Variants in NLGN1 observed in about 807,000 individuals in gnomAD.
The protein encoded by NLGN1 is neuroligin-1.
NLGN1 carries 12 observed loss-of-function variants against 65.5 expected under a neutral mutation model. That is an observed-to-expected ratio of 0.18 (90% CI 0.12 to 0.30). NLGN1 has a LOEUF of 0.30. Ranked by LOEUF, NLGN1 falls within the 10% of genes least tolerant of loss-of-function variation. The pLI, the probability that NLGN1 is intolerant of heterozygous loss-of-function variation, is 1.00. For synonymous variants in NLGN1, 350 were observed against 359.5 expected, an observed-to-expected ratio of 0.97 and a Z score of 0.30; for missense variants, 750 against 1,007.1, an observed-to-expected ratio of 0.74 and a Z score of 3.46.
intron 4 of NLGN1, among the ~76,000 whole-genome samples, chr3:174,184,227 T>C (rs1234746260): frequency 6.6e-6 from 1 of 152,118 alleles, no homozygotes; most frequent in Non-Finnish European, 1.5e-5. Context: ...TCAACATTAT[T>C]GTTACTCAGA....
chr3:173,579,900 GTTTTA>G (rs1746118639), intron 2 of NLGN1, among the ~76,000 whole-genome samples: 2 of 151,924 alleles, frequency 1.3e-5, no homozygotes, highest in South Asian at 2.1e-4. Context: ...TTACAATTCT[GTTTTA>G]TTTTATTTCT....
At chr3:173,637,077 A>C (rs1471164174) in intron 3 of NLGN1, among the ~76,000 whole-genome samples, 2 of 152,156 alleles carry the variant, frequency 1.3e-5, no homozygotes, top group African/African-American at 2.4e-5. Flanking sequence ...ATTCTTAAAA[A>C]AATAGTTACT....
intron 4 of NLGN1, among the ~76,000 whole-genome samples, chr3:174,235,449 T>C (rs1210457296): frequency 6.6e-6 from 1 of 152,176 alleles, no homozygotes; most frequent in East Asian, 1.9e-4. Flanking sequence ...CCAGTTCTAC[T>C]CTATATCTGT....
At chr3:173,813,279 A>G (rs1315489013) in intron 4 of NLGN1, among the ~76,000 whole-genome samples, 1 of 152,202 alleles carries the variant, frequency 6.6e-6, no homozygotes, top group Non-Finnish European at 1.5e-5. Flanking sequence ...TCTTTCAAAG[A>G]ACCCCCAAAA....
chr3:174,127,139 A>T (rs535387369), intron 4 of NLGN1, among the ~76,000 whole-genome samples: 1 of 152,310 alleles, frequency 6.6e-6, no homozygotes, highest in South Asian at 2.1e-4. Flanking sequence ...TATTTTTACC[A>T]TCATGACTCA....
intron 4 of NLGN1, among the ~76,000 whole-genome samples, chr3:173,927,724 A>AACAC (rs145960368): frequency 3.0e-4 from 45 of 151,294 alleles, no homozygotes; most frequent in African/African-American, 9.7e-4. Context: ...CGCTCCAGAA[A>AACAC]ACACACACAC....
At chr3:173,605,800 TG>T (rs1388396058) in intron 3 of NLGN1, among the ~76,000 whole-genome samples, 1 of 152,076 alleles carries the variant, frequency 6.6e-6, no homozygotes, top group Non-Finnish European at 1.5e-5. Context: ...GGTTGTGCCT[TG>T]TGTTCTGGTG....
chr3:174,207,161 G>C (rs1735569383), intron 4 of NLGN1, among the ~76,000 whole-genome samples: 1 of 149,952 alleles, frequency 6.7e-6, no homozygotes, highest in Admixed American at 6.7e-5. Context: ...CTCATGTCTG[G>C]AGGTGTTTTA....
At chr3:173,977,352 A>G (rs1399289778) in intron 4 of NLGN1, among the ~76,000 whole-genome samples, 1 of 151,952 alleles carries the variant, frequency 6.6e-6, no homozygotes, top group Admixed American at 6.6e-5. Context: ...GCACGTGCAT[A>G]AACACTGTAA....
chr3:173,749,706 T>A (rs887288047), intron 3 of NLGN1, among the ~76,000 whole-genome samples: 5 of 152,102 alleles, frequency 3.3e-5, no homozygotes, highest in Admixed American at 6.6e-5. Context: ...CACATACACA[T>A]TGTAAAATAT....
chr3:173,546,014 A>C (rs1433294865), intron 2 of NLGN1, among the ~76,000 whole-genome samples: 1 of 152,156 alleles, frequency 6.6e-6, no homozygotes, highest in Non-Finnish European at 1.5e-5. Context: ...TGATAGGTGC[A>C]GCAAACCACC....
At chr3:173,947,499 G>T (rs952286958) in intron 4 of NLGN1, among the ~76,000 whole-genome samples, 42 of 152,096 alleles carry the variant, frequency 2.8e-4, no homozygotes, top group African/African-American at 8.9e-4. Context: ...TGCTTGTCAG[G>T]TAGTGAACTC....
intron 4 of NLGN1, among the ~76,000 whole-genome samples, chr3:174,232,354 A>G: frequency 6.6e-6 from 1 of 152,166 alleles, no homozygotes; most frequent in East Asian, 1.9e-4. Context: ...GAATGTCATC[A>G]GTTAAGGCAG....
chr3:173,733,656 CACTTTT>C (rs1319469827), intron 3 of NLGN1, among the ~76,000 whole-genome samples: 21 of 152,008 alleles, frequency 1.4e-4, no homozygotes, highest in Non-Finnish European at 2.8e-4. Context: ...TTTATGACAC[CACTTTT>C]CAAGTTCACT....
intron 3 of NLGN1, among the ~76,000 whole-genome samples, chr3:173,633,673 C>G (rs1032323528): frequency 2.0e-5 from 3 of 152,036 alleles, no homozygotes; most frequent in Admixed American, 6.6e-5. Flanking sequence ...GTAGGCCAGC[C>G]CTTTGGGCTT....
chr3:173,720,371 G>A (rs1239465373), intron 3 of NLGN1, among the ~76,000 whole-genome samples: 1 of 152,104 alleles, frequency 6.6e-6, no homozygotes, highest in African/African-American at 2.4e-5. Flanking sequence ...GTGACCGGAA[G>A]GTCAGTTATT....
intron 4 of NLGN1, among the ~76,000 whole-genome samples, chr3:174,037,903 T>C (rs1026655229): frequency 1.3e-5 from 2 of 152,144 alleles, no homozygotes; most frequent in African/African-American, 2.4e-5. Context: ...CAGGATGTTA[T>C]GAGGACTATG....
intron 3 of NLGN1, among the ~76,000 whole-genome samples, chr3:173,637,475 T>A (rs1028584486): frequency 1.3e-5 from 2 of 152,092 alleles, no homozygotes; most frequent in African/African-American, 4.8e-5. Context: ...CTTTTTATAT[T>A]CTCTTGTTCT....
At chr3:173,743,204 G>A (rs749731335) in intron 3 of NLGN1, among the ~76,000 whole-genome samples, 8 of 152,082 alleles carry the variant, frequency 5.3e-5, no homozygotes, top group South Asian at 2.1e-4. Flanking sequence ...TAAGTTCTAC[G>A]TTCTAAATTT....
Sources: allele counts gnomAD v4.1 joint callset (sites outside exome capture counted in the v4.1 genomes callset), GRCh38; gene constraint gnomAD v4.1.1; transcripts MANE v1.5; gene names NCBI Gene and HGNC (gene_info 2026-07-23, HGNC 2026-07-21).